The following PHACTR2 variants were observed in gnomAD, a reference collection of about 807,000 sequenced individuals.
PHACTR2 encodes the protein chromosome 6 open reading frame 56.
PHACTR2 carries 30 observed loss-of-function variants against 76.0 expected under a neutral mutation model. That is an observed-to-expected ratio of 0.39 (90% CI 0.30 to 0.54). The LOEUF is 0.54. PHACTR2 is among the 20% of genes least tolerant of loss of function. The probability of loss-of-function intolerance (pLI) is 0.61; values close to 1 mark genes in which losing one functional copy is unlikely to be tolerated. For synonymous variants in PHACTR2, 292 were observed against 292.5 expected, an observed-to-expected ratio of 1.00 and a Z score of 0.02; for missense variants, 696 against 781.1, an observed-to-expected ratio of 0.89 and a Z score of 1.30.
rs748499509 is a variant in PHACTR2 at position 143,595,907 on chromosome 6, T to C, written c.217+58700T>C. ...CTCCCTTCCTGTCTACTGAGTTGGGTGGGTTATAGGTAGCGTCACTTAGGG... is the reference window on the plus strand; with the variant it reads ...CTCCCTTCCTGTCTACTGAGTTGGGCGGGTTATAGGTAGCGTCACTTAGGG... On this transcript the variant is annotated intron_variant, in intron 1 of 11. Transcript: ENST00000367584. This position sits in a 1 kb window ranked among gnomAD's most constrained non-coding sequence, Gnocchi z 4.2. Among the ~76,000 whole-genome samples, 4 of 152,166 alleles carry C rather than the reference T, an allele frequency of 2.6e-5. No homozygotes were observed. Among genetic ancestry groups the C allele is most frequent in the Non-Finnish European group, 5.9e-5 (4 of 68,030 alleles).
chr6:143,794,036 A>G lies in PHACTR2; in HGVS notation c.1845+5126A>G, dbSNP rs967462346. On this transcript the variant is annotated intron_variant, in intron 11 of 12. Transcript: ENST00000440869. The surrounding 1 kb of genome is among the most constrained non-coding windows in gnomAD (Gnocchi z 4.1). ...ACAAGTGATGAATATTCATTGGGCCATATCTGAATATTCAAAAATGCAAAA... is the reference window on the plus strand; with the variant it reads ...ACAAGTGATGAATATTCATTGGGCCGTATCTGAATATTCAAAAATGCAAAA... Among the ~76,000 whole-genome samples the G allele has an allele frequency of 6.6e-6, 1 of 151,444 alleles. No homozygotes were observed. The highest frequency in any genetic ancestry group is 2.4e-5 in the African/African-American group (1 of 41,322).
rs1015449868 is a variant in PHACTR2 at position 143,697,812 on chromosome 6, T to G, written c.47-14204T>G. Among the ~76,000 whole-genome samples, 1 of 152,182 alleles carries G rather than the reference T, an allele frequency of 6.6e-6. No homozygotes were observed. The highest frequency in any genetic ancestry group is 1.5e-5 in the Non-Finnish European group (1 of 68,044). The stretch of plus-strand genomic sequence containing the variant: ...TGACTTATTCTTTTTGTAAATATTT[T>G]TAGGGACCTTTTTGTGGCCTAAGTA... On this transcript the variant is annotated intron_variant, in intron 1 of 12. Coordinates refer to ENST00000440869, the MANE Select transcript of PHACTR2 (RefSeq NM_001100164.2). This position sits in a 1 kb window ranked among gnomAD's most constrained non-coding sequence, Gnocchi z 4.4.
intron 11 of PHACTR2, 44 bp downstream of exon 11, chr6:143,788,954 G>A (rs1317683463): frequency 6.4e-7 from 1 of 1,570,754 alleles, no homozygotes; most frequent in Non-Finnish European, 8.7e-7. Context: ...TTGCTTTTCT[G>A]GAAGCTCCAA....
At position 143,818,164 on chromosome 6, in the gene PHACTR2, G is replaced by T. The variant is rs1776342084; in HGVS notation, c.1923-5510G>T. Among the ~76,000 whole-genome samples the T allele has an allele frequency of 6.6e-6, 1 of 152,128 alleles. No individual in the cohort carries two copies. The highest frequency in any genetic ancestry group is 2.4e-5 in the African/African-American group (1 of 41,420). ...TCAATAAAAAATTTAAATAAAATTT[G>T]ATTAAAATGGACAGAGGTAGAAATT... On this transcript the variant is annotated intron_variant, in intron 12 of 12. Coordinates refer to ENST00000440869, the MANE Select transcript of PHACTR2 (RefSeq NM_001100164.2). The surrounding 1 kb of genome is among the most constrained non-coding windows in gnomAD (Gnocchi z 4.9).
At chr6:143,713,390 A>G (rs557626925) in intron 2 of PHACTR2, among the ~76,000 whole-genome samples, 1 of 152,314 alleles carries the variant, frequency 6.6e-6, no homozygotes, top group Non-Finnish European at 1.5e-5. Context: ...AAGCTGGGCA[A>G]TGGGTCCATG....
Position 143,599,504 on chromosome 6 carries a change from C to T in PHACTR2, c.217+62297C>T, listed in dbSNP as rs144207178. On this transcript the variant is annotated intron_variant, in intron 1 of 11. Transcript: ENST00000367584. This position sits in a 1 kb window ranked among gnomAD's most constrained non-coding sequence, Gnocchi z 4.6. ...GAGGAAGACCTTGACAAGATTTCTA[C>T]GTCTTTCATGGAAGCAATCAATACA... is the stretch of plus-strand genomic sequence containing the variant. 2.7e-4 allele frequency among the ~76,000 whole-genome samples: 41 copies of T among 152,234 alleles called. No homozygotes were observed. In the East Asian group the frequency reaches 3.7e-3, roughly 14 times the overall value.
chr6:143,557,141 G>A lies in PHACTR2; in HGVS notation c.217+19934G>A, dbSNP rs998797832. Among the ~76,000 whole-genome samples the A allele has an allele frequency of 8.5e-5, 13 of 152,154 alleles. No individual in the cohort carries two copies. The highest frequency in any genetic ancestry group is 7.4e-5 in the Non-Finnish European group (5 of 68,026). On this transcript the variant is annotated intron_variant, in intron 1 of 11. Transcript: ENST00000367584. The surrounding 1 kb of genome is among the most constrained non-coding windows in gnomAD (Gnocchi z 5.5). ...TTGAAGAGTAAACACTTCCTGAAGG[G>A]TTAAAGGCCAGGTAATGGCCATTCA...
chr6:143,719,639 C>T (rs976742119), intron 2 of PHACTR2, among the ~76,000 whole-genome samples: 15 of 149,534 alleles, frequency 1.0e-4, no homozygotes, highest in Admixed American at 4.0e-4. Context: ...CGTGAGCAAC[C>T]GTGCCTGGCC....
rs1045982753 is a variant in PHACTR2, at chr6:143,683,144, T to C, written c.46+4935T>C. Among the ~76,000 whole-genome samples the C allele has an allele frequency of 3.3e-5, 5 of 152,236 alleles. No individual in the cohort carries two copies. The highest frequency in any genetic ancestry group is 4.8e-5 in the African/African-American group (2 of 41,464). ...TTTCTAAGTACAGGCTAAAACGATA[T>C]GCCCTCAAATAGGATGGTTTCGGTA... On this transcript the variant is annotated intron_variant, in intron 1 of 12. Coordinates refer to ENST00000440869, the MANE Select transcript of PHACTR2 (RefSeq NM_001100164.2). This position sits in a 1 kb window ranked among gnomAD's most constrained non-coding sequence, Gnocchi z 4.1.
In PHACTR2 at chr6:143,742,066, C is replaced by T. The variant is rs572903696; in HGVS notation, c.215-6919C>T. ...GTTGCAGTGAGCTGGGATCGCGCCA[C>T]TGCACTGCAGCCTGGGTGACAAGAG... On this transcript the variant is annotated intron_variant, in intron 2 of 12. Transcript: ENST00000440869. This position sits in a 1 kb window ranked among gnomAD's most constrained non-coding sequence, Gnocchi z 4.5. Among the ~76,000 whole-genome samples, 4 of 151,734 alleles carry T rather than the reference C, an allele frequency of 2.6e-5. No homozygotes were observed. Among genetic ancestry groups the T allele is most frequent in the Non-Finnish European group, 5.9e-5 (4 of 67,968 alleles).
intron 12 of PHACTR2, among the ~76,000 whole-genome samples, chr6:143,814,231 C>G (rs1402353576): frequency 6.6e-6 from 1 of 152,130 alleles, no homozygotes; most frequent in Non-Finnish European, 1.5e-5. Context: ...TGGTACACAT[C>G]TGTAATCCCA....
intron 1 of PHACTR2, among the ~76,000 whole-genome samples, chr6:143,692,129 T>C (rs1777657159): frequency 6.6e-6 from 1 of 152,152 alleles, no homozygotes; most frequent in African/African-American, 2.4e-5. Context: ...TTTCAGGGTG[T>C]GCTGAGCATT....
chr6:143,740,312 A>G (rs1778910563), intron 2 of PHACTR2, among the ~76,000 whole-genome samples: 1 of 152,042 alleles, frequency 6.6e-6, no homozygotes, highest in Non-Finnish European at 1.5e-5. Flanking sequence ...TTTGTCATCA[A>G]GATCTTTAAG....
intron 1 of PHACTR2, among the ~76,000 whole-genome samples, chr6:143,564,073 G>T (rs186131662): frequency 1.7e-3 from 258 of 151,126 alleles, no homozygotes; most frequent in Non-Finnish European, 2.5e-3. Context: ...TAAGCTGAGA[G>T]AAGTCAAACT....
At chr6:143,749,274 T>A (rs1474581085) in intron 3 of PHACTR2, among the ~76,000 whole-genome samples, 2 of 152,198 alleles carry the variant, frequency 1.3e-5, no homozygotes, top group East Asian at 3.9e-4. Context: ...TCCTGGTGAA[T>A]CCATCACCAT....
At chr6:143,797,627 A>G (rs1191775658) in intron 11 of PHACTR2, among the ~76,000 whole-genome samples, 1 of 152,210 alleles carries the variant, frequency 6.6e-6, no homozygotes, top group Non-Finnish European at 1.5e-5. Flanking sequence ...AGTTTTCTGC[A>G]TATGGCCAGC....
At position 143,688,583 on chromosome 6, in the gene PHACTR2, C is replaced by T. The variant is rs964154947; in HGVS notation, c.46+10374C>T. On this transcript the variant is annotated intron_variant, in intron 1 of 12. Coordinates refer to ENST00000440869, the MANE Select transcript of PHACTR2 (RefSeq NM_001100164.2). The surrounding 1 kb of genome is among the most constrained non-coding windows in gnomAD (Gnocchi z 5.2). Reference sequence around the variant, plus strand: ...ACTTTCTACATTTCACCAAATGATACCCCAACCACTCACTTATTCTAGCCC... The same window carrying T: ...ACTTTCTACATTTCACCAAATGATATCCCAACCACTCACTTATTCTAGCCC... 1.3e-5 allele frequency among the ~76,000 whole-genome samples: 2 copies of T among 152,196 alleles called. No individual in the cohort carries two copies. The highest frequency in any genetic ancestry group is 2.4e-5 in the African/African-American group (1 of 41,444).
chr6:143,780,571 T>C lies in PHACTR2; in HGVS notation c.1646-2648T>C, dbSNP rs1326159355. Reference sequence around the variant, plus strand: ...CTGAATTAACAACTCAAGAAGATAATACTCCAATTGCTGGTATTTTTATAC... The same window carrying C: ...CTGAATTAACAACTCAAGAAGATAACACTCCAATTGCTGGTATTTTTATAC... On this transcript the variant is annotated intron_variant, in intron 9 of 12. Transcript: ENST00000440869. The surrounding 1 kb of genome is among the most constrained non-coding windows in gnomAD (Gnocchi z 4.4). Among the ~76,000 whole-genome samples, 2 of 152,246 alleles carry C rather than the reference T, an allele frequency of 1.3e-5. No individual in the cohort carries two copies. Among genetic ancestry groups the C allele is most frequent in the Admixed American group, 6.5e-5 (1 of 15,288 alleles).
At chr6:143,540,412 A>AGTG (rs1426735649) in intron 1 of PHACTR2, among the ~76,000 whole-genome samples, 1 of 152,060 alleles carries the variant, frequency 6.6e-6, no homozygotes, top group East Asian at 1.9e-4. Flanking sequence ...CCACAGCTCC[A>AGTG]CCTCCATCCT....
Sources: gnomAD v4.1 joint callset for allele counts (sites outside exome capture counted in the v4.1 genomes callset) on GRCh38, gnomAD v4.1.1 for gene constraint, Gnocchi (gnomAD v3.1) non-coding constraint, MANE v1.5 for transcripts, NCBI Gene and HGNC (gene_info 2026-07-23, HGNC 2026-07-21) for gene names.